The following DNAJC1 variants were observed in gnomAD, a reference collection of about 807,000 sequenced individuals.
DNAJC1 encodes the protein DnaJ heat shock protein family (Hsp40) member C1.
In DNAJC1, 58 loss-of-function variants were observed where a neutral mutation model predicts 76.6. The observed-to-expected ratio is 0.76, with a 90% CI of 0.61 to 0.94. The LOEUF (loss-of-function observed/expected upper bound fraction) is 0.94, where lower values mean the gene tolerates loss of function less well. Among genes scored for constraint, DNAJC1 ranks in the 40% least tolerant of loss-of-function variants. DNAJC1 has a pLI of 0.00. For missense variants in DNAJC1, 689 were observed against 677.3 expected (o/e 1.02, Z -0.19); for synonymous variants, 258 against 267.9 (o/e 0.96, Z 0.36).
intron 8 of DNAJC1, among the ~76,000 whole-genome samples, chr10:21,816,656 C>T (rs1295210050): frequency 6.6e-6 from 1 of 150,828 alleles, no homozygotes; most frequent in Non-Finnish European, 1.5e-5. Flanking sequence ...CGCCATTCTC[C>T]TGCCTCAGGC....
chr10:21,865,764 A>T (rs1334167840), intron 8 of DNAJC1: 1 of 152,088 alleles, frequency 6.6e-6, no homozygotes, highest in Middle Eastern at 3.2e-3. Flanking sequence ...GGGGACATGG[A>T]GTACAGTAAA....
chr10:21,934,130 T>C (rs908099398), intron 1 of DNAJC1, among the ~76,000 whole-genome samples: 1 of 151,898 alleles, frequency 6.6e-6, no homozygotes, highest in Non-Finnish European at 1.5e-5. Context: ...TCCAATTAAA[T>C]GACATGTGAT....
chr10:21,812,297 T>A (rs1459660950), intron 8 of DNAJC1, among the ~76,000 whole-genome samples: 3 of 151,912 alleles, frequency 2.0e-5, no homozygotes, highest in Non-Finnish European at 1.5e-5. Flanking sequence ...GACCTCGTGA[T>A]CTGCCTGCCT....
At chr10:21,839,951 G>C (rs1283489176) in intron 8 of DNAJC1, among the ~76,000 whole-genome samples, 1 of 152,024 alleles carries the variant, frequency 6.6e-6, no homozygotes, top group African/African-American at 2.4e-5. Flanking sequence ...TTCAACATAC[G>C]CAAATCAATA....
intron 7 of DNAJC1, among the ~76,000 whole-genome samples, chr10:21,892,622 A>C (rs1302803833): frequency 6.6e-6 from 1 of 152,000 alleles, no homozygotes; most frequent in Non-Finnish European, 1.5e-5. Flanking sequence ...ATATATATAT[A>C]TGCTATCTAT....
chr10:21,852,103 AC>A, intron 8 of DNAJC1, among the ~76,000 whole-genome samples: 1 of 51,282 alleles, frequency 1.9e-5, no homozygotes, highest in East Asian at 7.2e-4. Flanking sequence ...ACACACACAC[AC>A]ACACACACAC....
chr10:21,882,983 T>TAA (rs1836306668), intron 7 of DNAJC1, among the ~76,000 whole-genome samples: 2 of 152,106 alleles, frequency 1.3e-5, no homozygotes, highest in African/African-American at 4.8e-5. Flanking sequence ...GGAGCAGTGG[T>TAA]TCACGGCTCT....
At chr10:21,981,534 G>C (rs1489689425) in intron 1 of DNAJC1, among the ~76,000 whole-genome samples, 1 of 152,090 alleles carries the variant, frequency 6.6e-6, no homozygotes, top group African/African-American at 2.4e-5. Flanking sequence ...TGATCTTTGA[G>C]CCTAACAGAT....
chr10:21,768,086 T>C (rs1347325237), intron 9 of DNAJC1, among the ~76,000 whole-genome samples: 1 of 152,204 alleles, frequency 6.6e-6, no homozygotes, highest in Non-Finnish European at 1.5e-5. Context: ...ACAACCACTG[T>C]TCAGACTTCT....
chr10:22,003,692 C>G lies in DNAJC1; in HGVS notation c.-258G>C, dbSNP rs965864967. On this transcript the variant is annotated 5_prime_UTR_variant, in exon 1 of 12. Transcript: ENST00000376980. ...AGACCCTCGCCCCCAGGCCTACACA[C>G]AGCTGTAGAGGCAGCGCCCGGCGCC... 7.9e-6 allele frequency: 3 copies of G among 380,044 alleles called. No homozygotes were observed. The highest frequency in any genetic ancestry group is 9.4e-5 in the Admixed American group (2 of 21,310). 23.5% of individuals were successfully genotyped at this position (380,044 alleles called of 1,614,324 possible). A position where few individuals can be genotyped will look rare whatever the true frequency, so the allele number is the denominator to read the frequency against.
At chr10:21,871,340 G>GAA (rs755212716) in intron 8 of DNAJC1, among the ~76,000 whole-genome samples, 11 of 98,944 alleles carry the variant, frequency 1.1e-4, no homozygotes, top group Admixed American at 2.2e-4. Flanking sequence ...TAGAAGCGGG[G>GAA]AAAAAAAAAA....
intron 8 of DNAJC1, among the ~76,000 whole-genome samples, chr10:21,824,820 C>A (rs1259905419): frequency 6.6e-6 from 1 of 152,188 alleles, no homozygotes; most frequent in East Asian, 1.9e-4. Flanking sequence ...ATTGCCCAGG[C>A]TGGAGTGCAG....
At chr10:21,972,991 A>T (rs946140504) in intron 1 of DNAJC1, among the ~76,000 whole-genome samples, 3 of 152,154 alleles carry the variant, frequency 2.0e-5, no homozygotes, top group Non-Finnish European at 4.4e-5. Context: ...ACAACTTTAT[A>T]AATCACATAG....
intron 7 of DNAJC1, among the ~76,000 whole-genome samples, chr10:21,891,146 T>C (rs1836455198): frequency 6.6e-6 from 1 of 151,996 alleles, no homozygotes; most frequent in South Asian, 2.1e-4. Context: ...GCCAAGACGG[T>C]ACCATTGCAT....
At chr10:21,869,841 T>C (rs1590023813) in intron 8 of DNAJC1, among the ~76,000 whole-genome samples, 1 of 152,222 alleles carries the variant, frequency 6.6e-6, no homozygotes, top group South Asian at 2.1e-4. Context: ...ACAAAAGATG[T>C]AACCATTAGG....
chr10:21,857,887 C>T (rs377697145), intron 8 of DNAJC1, among the ~76,000 whole-genome samples: 3 of 151,614 alleles, frequency 2.0e-5, no homozygotes, highest in South Asian at 4.2e-4. Flanking sequence ...AAAAAAAAAC[C>T]GGGTATGTTT....
intron 8 of DNAJC1, among the ~76,000 whole-genome samples, chr10:21,868,515 T>G (rs988142403): frequency 1.3e-5 from 2 of 152,046 alleles, no homozygotes; most frequent in African/African-American, 4.8e-5. Context: ...ACTGATACAC[T>G]CAAACATTTG....
chr10:21,832,855 G>A lies in DNAJC1; in HGVS notation c.979-26756C>T, dbSNP rs576686056. Among the ~76,000 whole-genome samples, 11 of 152,176 alleles carry A rather than the reference G, an allele frequency of 7.2e-5. No homozygotes were observed. The South Asian group carries it at 1.0e-3, about 14-fold the overall frequency. On this transcript the variant is annotated intron_variant, in intron 8 of 11. Transcript: ENST00000376980. ...CATTCAAGATCTATGATTTGGCTGC[G>A]ACCTACTTTTACAAACATATTTTCT...
At chr10:21,931,164 A>G (rs1437661870) in intron 1 of DNAJC1, among the ~76,000 whole-genome samples, 2 of 152,012 alleles carry the variant, frequency 1.3e-5, no homozygotes, top group Non-Finnish European at 2.9e-5. Context: ...GGTGTTTTCC[A>G]ATTTTTTTAG....
Sources: allele counts gnomAD v4.1 joint callset (sites outside exome capture counted in the v4.1 genomes callset), GRCh38; gene constraint gnomAD v4.1.1; transcripts MANE v1.5; gene names NCBI Gene and HGNC (gene_info 2026-07-23, HGNC 2026-07-21).